Variants in ALK observed in about 807,000 individuals in gnomAD.
The protein encoded by ALK is ALK tyrosine kinase receptor.
A neutral mutation model predicts 163.1 loss-of-function variants in ALK; 74 were observed. The ratio of observed to expected loss-of-function variants is 0.45; its 90% CI spans 0.38 to 0.55. The LOEUF is 0.55. Ranked by LOEUF, ALK falls within the 20% of genes least tolerant of loss-of-function variation. The probability of loss-of-function intolerance (pLI) is 0.00; values close to 1 mark genes in which losing one functional copy is unlikely to be tolerated. For synonymous variants in ALK, 960 were observed against 843.2 expected, an observed-to-expected ratio of 1.14 and a Z score of -2.40; for missense variants, 2,063 against 2,105.3, an observed-to-expected ratio of 0.98 and a Z score of 0.39.
intron 22 of ALK, 70 bp downstream of exon 22, chr2:29,222,274 G>A (rs780154215): frequency 6.0e-5 from 85 of 1,427,484 alleles, no homozygotes; most frequent in Non-Finnish European, 8.1e-5. Context: ...ATATCGATCT[G>A]TTAGAAACCT....
Position 29,716,447 on chromosome 2 carries a change from C to T in ALK, c.787+1131G>A, listed in dbSNP as rs370629027. On this transcript the variant is annotated intron_variant, in intron 2 of 28. Transcript: ENST00000389048. ...AGAATTAAAATGTTCATTTGAAATG[C>T]TTCTTCTCTCCTCTAAATCTTCTCA... 2.6e-5 allele frequency among the ~76,000 whole-genome samples: 4 copies of T among 152,336 alleles called. No individual in the cohort carries two copies. The East Asian group carries it at 7.7e-4, about 29-fold the overall frequency.
chr2:29,442,432 C>A (rs572699072), intron 4 of ALK, among the ~76,000 whole-genome samples: 1 of 152,268 alleles, frequency 6.6e-6, no homozygotes, highest in South Asian at 2.1e-4. Flanking sequence ...GGACAGTAGG[C>A]TTTGAGGCAG....
At chr2:29,895,635 A>C (rs1226541075) in intron 1 of ALK, among the ~76,000 whole-genome samples, 3 of 152,200 alleles carry the variant, frequency 2.0e-5, no homozygotes, top group African/African-American at 7.2e-5. Flanking sequence ...GATTGGCCAT[A>C]GTTTATTATT....
chr2:29,509,911 C>G (rs772303294), intron 4 of ALK, among the ~76,000 whole-genome samples: 4 of 152,080 alleles, frequency 2.6e-5, no homozygotes, highest in Non-Finnish European at 5.9e-5. Flanking sequence ...CAATTGTGAT[C>G]TGTTTGTGGT....
chr2:29,807,547 G>A (rs371124272), intron 1 of ALK, among the ~76,000 whole-genome samples: 1 of 152,216 alleles, frequency 6.6e-6, no homozygotes, highest in East Asian at 1.9e-4. Flanking sequence ...CTGAGTGAAA[G>A]TGACAATGGT....
chr2:29,855,512 A>G (rs569201883), intron 1 of ALK, among the ~76,000 whole-genome samples: 1 of 152,336 alleles, frequency 6.6e-6, no homozygotes, highest in East Asian at 1.9e-4. Context: ...ACCTTGATTA[A>G]TAGGCCTATA....
intron 11 of ALK, among the ~76,000 whole-genome samples, chr2:29,259,897 T>A (rs1665040524): frequency 6.6e-6 from 1 of 151,994 alleles, no homozygotes; most frequent in African/African-American, 2.4e-5. Context: ...TATATTCTAG[T>A]AAAGTTGCCG....
intron 3 of ALK, among the ~76,000 whole-genome samples, chr2:29,584,305 C>T (rs990034875): frequency 6.6e-6 from 1 of 152,144 alleles, no homozygotes; most frequent in African/African-American, 2.4e-5. Context: ...AAAGGCAATG[C>T]GTGTTCCTTG....
At chr2:29,568,412 C>T (rs555604840) in intron 3 of ALK, among the ~76,000 whole-genome samples, 325 of 152,202 alleles carry the variant, frequency 2.1e-3, no homozygotes, top group African/African-American at 7.3e-3. Flanking sequence ...GTGTCACTGC[C>T]GAAATCTAGC....
chr2:29,245,792 C>A (rs1664653958), intron 12 of ALK, among the ~76,000 whole-genome samples: 1 of 149,766 alleles, frequency 6.7e-6, no homozygotes, highest in Admixed American at 6.6e-5. Flanking sequence ...GGCTCCATAG[C>A]TCAGTGCCCT....
At chr2:29,617,997 G>A (rs1165321125) in intron 3 of ALK, among the ~76,000 whole-genome samples, 1 of 152,144 alleles carries the variant, frequency 6.6e-6, no homozygotes, top group Non-Finnish European at 1.5e-5. Flanking sequence ...CTCCAGGCAG[G>A]TACTTTGGGT....
chr2:29,770,868 C>T (rs1044699471), intron 1 of ALK, among the ~76,000 whole-genome samples: 3 of 151,890 alleles, frequency 2.0e-5, no homozygotes, highest in South Asian at 2.1e-4. Flanking sequence ...CACAGTCTCA[C>T]AGTCACACAC....
chr2:29,831,111 A>AGG (rs1558508751), intron 1 of ALK, among the ~76,000 whole-genome samples: 17 of 34,280 alleles, frequency 5.0e-4, no homozygotes, highest in African/African-American at 1.9e-3. Context: ...GGAGGAGGAG[A>AGG]AGAAGAAGAA....
At chr2:29,721,175 G>T (rs1355739428) in intron 1 of ALK, among the ~76,000 whole-genome samples, 3 of 152,164 alleles carry the variant, frequency 2.0e-5, no homozygotes, top group Non-Finnish European at 2.9e-5. Context: ...GGGTATCAAG[G>T]CAGAGTGAAA....
At chr2:29,394,310 C>G (rs1426057480) in intron 4 of ALK, among the ~76,000 whole-genome samples, 1 of 135,188 alleles carries the variant, frequency 7.4e-6, no homozygotes, top group Non-Finnish European at 1.6e-5. Context: ...CACTGATTAT[C>G]CAGACCAGAA....
chr2:29,373,777 A>C (rs1285539310), intron 5 of ALK, among the ~76,000 whole-genome samples: 4 of 152,236 alleles, frequency 2.6e-5, no homozygotes, highest in Admixed American at 6.5e-5. Flanking sequence ...TTTGGATTCC[A>C]GTCTTCCTCA....
At chr2:29,632,149 G>C (rs137966403) in intron 3 of ALK, among the ~76,000 whole-genome samples, 1 of 152,320 alleles carries the variant, frequency 6.6e-6, no homozygotes, top group Non-Finnish European at 1.5e-5. Context: ...CTCCCAGAGG[G>C]CATGCCTACG....
chr2:29,228,350 C>T (rs1664076297), intron 16 of ALK, among the ~76,000 whole-genome samples: 1 of 152,216 alleles, frequency 6.6e-6, no homozygotes, highest in South Asian at 2.1e-4. Flanking sequence ...GCTGACTGTG[C>T]TCTGAAGCCC....
At chr2:29,462,570 TTAAGG>T (rs1372556464) in intron 4 of ALK, among the ~76,000 whole-genome samples, 1 of 152,186 alleles carries the variant, frequency 6.6e-6, no homozygotes, top group African/African-American at 2.4e-5. Flanking sequence ...CATTTTCATA[TTAAGG>T]TATGTACATT....
Sources: gnomAD v4.1 joint callset for allele counts (sites outside exome capture counted in the v4.1 genomes callset) on GRCh38, gnomAD v4.1.1 for gene constraint, MANE v1.5 for transcripts, NCBI Gene and HGNC (gene_info 2026-07-23, HGNC 2026-07-21) for gene names.